The following TJP1 variants were observed in gnomAD, a reference collection of about 807,000 sequenced individuals.
The protein encoded by TJP1 is tight junction protein 1.
Under a neutral mutation model 194.2 loss-of-function variants are expected in TJP1, and 43 were observed. That is an observed-to-expected ratio of 0.22 (90% CI 0.17 to 0.29). The LOEUF is 0.29. Ranked by LOEUF, TJP1 falls within the 10% of genes least tolerant of loss-of-function variation. TJP1 has a pLI of 1.00. For synonymous variants in TJP1, 801 were observed against 779.0 expected, an observed-to-expected ratio of 1.03 and a Z score of -0.47; for missense variants, 1,971 against 2,185.7, an observed-to-expected ratio of 0.90 and a Z score of 1.96.
At chr15:29,768,996 T>C (rs1025830724) in intron 4 of TJP1, among the ~76,000 whole-genome samples, 1 of 151,950 alleles carries the variant, frequency 6.6e-6, no homozygotes, top group African/African-American at 2.4e-5. Flanking sequence ...ACCAATAAAA[T>C]GAAAGTCTGA....
intron 6 of TJP1, 43 bp downstream of exon 6, chr15:29,762,292 G>C (rs750885396): frequency 1.1e-5 from 17 of 1,516,274 alleles, no homozygotes; most frequent in Non-Finnish European, 1.5e-5. Context: ...TCTAGAACTT[G>C]TTTTCTATTT....
intron 2 of TJP1, among the ~76,000 whole-genome samples, chr15:29,933,879 C>T (rs1201358649): frequency 6.6e-6 from 1 of 152,178 alleles, no homozygotes. Flanking sequence ...ACCGGGGTCA[C>T]AACAGACATA....
chr15:29,927,904 C>G (rs2152265111), intron 2 of TJP1, among the ~76,000 whole-genome samples: 1 of 152,220 alleles, frequency 6.6e-6, no homozygotes, highest in Admixed American at 6.5e-5. Flanking sequence ...ATAGGCACTG[C>G]AGCTTAGTTC....
At chr15:29,788,961 A>C (rs1268273746) in intron 2 of TJP1, among the ~76,000 whole-genome samples, 4 of 152,200 alleles carry the variant, frequency 2.6e-5, no homozygotes, top group African/African-American at 2.4e-5. Flanking sequence ...GTGACTATTA[A>C]GCACTTCAAA....
chr15:29,800,213 T>C (rs1257581415), intron 2 of TJP1, among the ~76,000 whole-genome samples: 1 of 152,234 alleles, frequency 6.6e-6, no homozygotes, highest in East Asian at 1.9e-4. Context: ...TCTGCAATTG[T>C]TTAAGCAACA....
chr15:29,756,071 A>G (rs2045626551), intron 8 of TJP1, among the ~76,000 whole-genome samples: 2 of 152,132 alleles, frequency 1.3e-5, no homozygotes, highest in Non-Finnish European at 2.9e-5. Context: ...GCAGAGGCCT[A>G]GATCATACCC....
intron 2 of TJP1, among the ~76,000 whole-genome samples, chr15:29,848,560 T>G (rs1353712577): frequency 6.6e-6 from 1 of 152,188 alleles, no homozygotes; most frequent in Non-Finnish European, 1.5e-5. Context: ...ACTTTCAGTA[T>G]AGATAATGCA....
At position 29,800,628 on chromosome 15, in the gene TJP1, A is replaced by G. The variant is rs762386983; in HGVS notation, c.84+18T>C. 6.2e-7 allele frequency: 1 copy of G among 1,613,314 alleles called. No homozygotes were observed. Among genetic ancestry groups the G allele is most frequent in the Non-Finnish European group, 8.5e-7 (1 of 1,179,434 alleles). On this transcript the variant is annotated intron_variant, in intron 2 of 27. Coordinates refer to ENST00000614355, the MANE Select transcript of TJP1 (RefSeq NM_001330239.4). Reference sequence around the variant, plus strand: ...ATCCTGAGTTATACACAGATTACTTACTGCAACACAAACTTACCCTGTGAA... The same window carrying G: ...ATCCTGAGTTATACACAGATTACTTGCTGCAACACAAACTTACCCTGTGAA...
At chr15:29,871,725 A>G (rs1315346466) in intron 2 of TJP1, among the ~76,000 whole-genome samples, 1 of 152,234 alleles carries the variant, frequency 6.6e-6, no homozygotes, top group Non-Finnish European at 1.5e-5. Context: ...ATCGGACTGC[A>G]GCCCCAAGAG....
intron 2 of TJP1, among the ~76,000 whole-genome samples, chr15:29,861,790 T>C (rs2052090836): frequency 6.6e-6 from 1 of 152,218 alleles, no homozygotes; most frequent in Non-Finnish European, 1.5e-5. Context: ...ATACGAAGAA[T>C]GCCTGTTCTC....
At chr15:29,771,892 C>G (rs1368620908) in intron 4 of TJP1, among the ~76,000 whole-genome samples, 172 bp downstream of exon 4, 1 of 151,682 alleles carries the variant, frequency 6.6e-6, no homozygotes, top group Non-Finnish European at 1.5e-5. Flanking sequence ...AGAAAATACA[C>G]GTACCAGTGA....
In TJP1 at chr15:29,913,999, G is replaced by C. The variant is rs1281191518; in HGVS notation, c.306+42233C>G. Among the ~76,000 whole-genome samples, 4 of 152,174 alleles carry C rather than the reference G, an allele frequency of 2.6e-5. No homozygotes were observed. The East Asian group carries it at 7.7e-4, about 29-fold the overall frequency. On this transcript the variant is annotated intron_variant, in intron 2 of 28. Coordinates refer to the TJP1 transcript ENST00000356107. Reference sequence around the variant, plus strand: ...CTCAGAGTGAGTTCGCTCTCCGGAGGCTTGCTTTCCACATTCTCATGGCAT... The same window carrying C: ...CTCAGAGTGAGTTCGCTCTCCGGAGCCTTGCTTTCCACATTCTCATGGCAT...
At chr15:29,849,440 TA>T (rs79680348) in intron 2 of TJP1, among the ~76,000 whole-genome samples, 35,011 of 138,364 alleles carry the variant, frequency 0.25, 4,247 homozygotes, top group African/African-American at 0.31. Flanking sequence ...AAATTTTATT[TA>T]AAAAAAAAAA....
intron 2 of TJP1, among the ~76,000 whole-genome samples, chr15:29,785,013 T>TC (rs1317035214): frequency 6.6e-6 from 1 of 152,204 alleles, no homozygotes; most frequent in Non-Finnish European, 1.5e-5. Flanking sequence ...CATGGTACCT[T>TC]CCCAAGGGGT....
intron 2 of TJP1, among the ~76,000 whole-genome samples, chr15:29,928,180 A>C (rs540867517): frequency 2.0e-5 from 3 of 152,292 alleles, no homozygotes; most frequent in Admixed American, 6.5e-5. Flanking sequence ...CTAGATTTAG[A>C]GCAAAAGAAC....
intron 2 of TJP1, among the ~76,000 whole-genome samples, chr15:29,951,111 T>C (rs1034236346): frequency 2.0e-5 from 3 of 152,170 alleles, no homozygotes; most frequent in Non-Finnish European, 1.5e-5. Context: ...TTTTTCATCT[T>C]CGATATCTTC....
At chr15:29,868,434 C>T (rs1442391099) in intron 2 of TJP1, among the ~76,000 whole-genome samples, 2 of 152,172 alleles carry the variant, frequency 1.3e-5, no homozygotes, top group Admixed American at 6.6e-5. Context: ...TACTGGTCCA[C>T]GCATGCCTGT....
chr15:29,703,298 A>G (rs1490101101), intron 27 of TJP1, among the ~76,000 whole-genome samples: 1 of 152,002 alleles, frequency 6.6e-6, no homozygotes. Context: ...AAAAGTACAA[A>G]AATTAGCCAG....
intron 25 of TJP1, among the ~76,000 whole-genome samples, chr15:29,708,318 T>C (rs2042028998): frequency 6.6e-6 from 1 of 152,200 alleles, no homozygotes; most frequent in African/African-American, 2.4e-5. Flanking sequence ...CCTCAGTTCT[T>C]AGTAAAACAG....
Sources: allele counts gnomAD v4.1 joint callset (sites outside exome capture counted in the v4.1 genomes callset), GRCh38; gene constraint gnomAD v4.1.1; transcripts MANE v1.5; gene names NCBI Gene and HGNC (gene_info 2026-07-23, HGNC 2026-07-21).